Variants in HPSE2 observed in about 807,000 individuals in gnomAD.
The protein encoded by HPSE2 is heparanase 2 (inactive).
In HPSE2, 38 loss-of-function variants were observed where a neutral mutation model predicts 60.5. That is an observed-to-expected ratio of 0.63 (90% CI 0.48 to 0.82). HPSE2 has a LOEUF of 0.82. Among genes scored for constraint, HPSE2 ranks in the 40% least tolerant of loss-of-function variants. The pLI is 0.00. For missense variants in HPSE2, 713 were observed against 740.4 expected (o/e 0.96, Z 0.43); for synonymous variants, 295 against 293.2 (o/e 1.01, Z -0.06).
intron 3 of HPSE2, among the ~76,000 whole-genome samples, chr10:98,904,158 C>G (rs1014284144): frequency 2.6e-5 from 4 of 151,956 alleles, no homozygotes; most frequent in Non-Finnish European, 5.9e-5. Flanking sequence ...TGTTAACTTT[C>G]TTTGTAAATT....
chr10:98,579,056 T>C (rs187956034), intron 9 of HPSE2, among the ~76,000 whole-genome samples: 46 of 151,974 alleles, frequency 3.0e-4, no homozygotes, highest in African/African-American at 1.1e-3. Context: ...CCCAGATCTA[T>C]ACCAATTAGC....
intron 5 of HPSE2, among the ~76,000 whole-genome samples, chr10:98,694,362 G>A (rs766384440): frequency 1.2e-4 from 18 of 152,304 alleles, no homozygotes; most frequent in Non-Finnish European, 2.4e-4. Flanking sequence ...AGATGCCTTT[G>A]AAAAACTTCA....
At chr10:98,486,049 C>T (rs1437081212) in intron 10 of HPSE2, among the ~76,000 whole-genome samples, 2 of 152,180 alleles carry the variant, frequency 1.3e-5, no homozygotes, top group Admixed American at 6.5e-5. Context: ...CAGAGACCCA[C>T]ATATAGAGGC....
At chr10:98,821,723 T>TA (rs1255452193) in intron 3 of HPSE2, among the ~76,000 whole-genome samples, 3 of 152,192 alleles carry the variant, frequency 2.0e-5, no homozygotes, top group African/African-American at 7.2e-5. Context: ...GGAACCAAAT[T>TA]AAAAATGGAA....
intron 2 of HPSE2, among the ~76,000 whole-genome samples, chr10:99,168,352 A>G (rs954579410): frequency 5.3e-5 from 8 of 152,180 alleles, no homozygotes; most frequent in African/African-American, 1.9e-4. Context: ...TTTTAATAGT[A>G]TGTTCTAAAT....
chr10:98,813,600 A>G (rs917200027), intron 3 of HPSE2, among the ~76,000 whole-genome samples: 1 of 152,220 alleles, frequency 6.6e-6, no homozygotes, highest in Non-Finnish European at 1.5e-5. Context: ...ATTTAAGGAC[A>G]GAGATTCTGG....
intron 3 of HPSE2, among the ~76,000 whole-genome samples, chr10:99,066,543 A>C (rs1842624121): frequency 6.6e-6 from 1 of 152,206 alleles, no homozygotes; most frequent in South Asian, 2.1e-4. Context: ...AATGAGGAGC[A>C]AAGTCATGTT....
At chr10:98,843,430 T>G (rs1951965099) in intron 3 of HPSE2, among the ~76,000 whole-genome samples, 1 of 152,178 alleles carries the variant, frequency 6.6e-6, no homozygotes, top group South Asian at 2.1e-4. Context: ...ACACAATATA[T>G]TATTGCAAAA....
At chr10:98,681,507 A>C (rs1410750633) in intron 6 of HPSE2, among the ~76,000 whole-genome samples, 1 of 152,230 alleles carries the variant, frequency 6.6e-6, no homozygotes, top group African/African-American at 2.4e-5. Context: ...GATACATTAC[A>C]ACATGAAAAG....
chr10:98,963,301 A>G (rs1412587399), intron 3 of HPSE2, among the ~76,000 whole-genome samples: 3 of 152,318 alleles, frequency 2.0e-5, no homozygotes, highest in Middle Eastern at 6.8e-3. Context: ...CAAAGGCCAA[A>G]AAGCGTAAAG....
chr10:98,480,489 T>C (rs17458332), intron 11 of HPSE2, among the ~76,000 whole-genome samples: 13,247 of 152,168 alleles, frequency 0.087, 650 homozygotes, highest in Non-Finnish European at 0.11. Flanking sequence ...TCAGTCCCTT[T>C]AGTCACCCTT....
the HPSE2 span, among the ~76,000 whole-genome samples, chr10:99,295,628 C>A: frequency 6.6e-6 from 1 of 152,106 alleles, no homozygotes; most frequent in Non-Finnish European, 1.5e-5. Context: ...TACAGCCATA[C>A]TTTTGCTGAT....
intron 3 of HPSE2, among the ~76,000 whole-genome samples, chr10:99,028,319 C>T (rs1258566069): frequency 2.6e-5 from 4 of 151,786 alleles, no homozygotes; most frequent in African/African-American, 9.7e-5. Flanking sequence ...AATCAACATA[C>T]AAAAATGAGT....
intron 3 of HPSE2, among the ~76,000 whole-genome samples, chr10:99,022,976 G>C (rs1382355272): frequency 1.3e-5 from 2 of 152,120 alleles, no homozygotes; most frequent in Non-Finnish European, 2.9e-5. Flanking sequence ...AGAGGGAAAA[G>C]TAAAGGCGGC....
intron 11 of HPSE2, among the ~76,000 whole-genome samples, chr10:98,479,453 A>G (rs1312565633): frequency 6.6e-6 from 1 of 152,212 alleles, no homozygotes; most frequent in African/African-American, 2.4e-5. Flanking sequence ...CCCTTTCTGC[A>G]CAGTCTGCTT....
At chr10:98,554,282 C>T (rs1268159514) in intron 9 of HPSE2, among the ~76,000 whole-genome samples, 3 of 152,164 alleles carry the variant, frequency 2.0e-5, no homozygotes, top group East Asian at 3.8e-4. Context: ...ATCTTTGTTC[C>T]TATTATTTGC....
chr10:98,775,645 C>G (rs970516591), intron 3 of HPSE2, among the ~76,000 whole-genome samples: 3 of 152,148 alleles, frequency 2.0e-5, no homozygotes, highest in African/African-American at 7.2e-5. Flanking sequence ...TATCACCTAT[C>G]TCTCTTCATC....
chr10:98,986,165 G>C (rs371817242), intron 3 of HPSE2, among the ~76,000 whole-genome samples: 9 of 152,106 alleles, frequency 5.9e-5, no homozygotes, highest in Admixed American at 1.3e-4. Flanking sequence ...ACAGAACTCT[G>C]CACCCCAAAT....
chr10:99,013,160 T>A, intron 3 of HPSE2: 1 of 673,790 alleles, frequency 1.5e-6, no homozygotes, highest in Admixed American at 1.9e-5. Context: ...CCTCACCAGT[T>A]AGAGAACAGC....
Sources: gnomAD v4.1 joint callset for allele counts (sites outside exome capture counted in the v4.1 genomes callset) on GRCh38, gnomAD v4.1.1 for gene constraint, MANE v1.5 for transcripts, NCBI Gene and HGNC (gene_info 2026-07-23, HGNC 2026-07-21) for gene names.